The following TBCA variants were observed in gnomAD, a reference collection of about 807,000 sequenced individuals.
TBCA encodes the protein tubulin folding cofactor A, also known as tubulin-specific chaperone A.
Under a neutral mutation model 15.8 loss-of-function variants are expected in TBCA, and 6 were observed. The ratio of observed to expected loss-of-function variants is 0.38; its 90% confidence interval spans 0.21 to 0.75. The LOEUF (loss-of-function observed/expected upper bound fraction) is 0.75. TBCA is among the 30% of genes least tolerant of loss of function. TBCA has a pLI of 0.46. For missense variants in TBCA, 90 were observed against 131.2 expected (o/e 0.69, Z 1.53); for synonymous variants, 32 against 42.3 (o/e 0.76, Z 0.94).
intron 1 of TBCA, among the ~76,000 whole-genome samples, chr5:77,751,050 C>T (rs866943473): frequency 1.4e-4 from 21 of 152,100 alleles, no homozygotes; most frequent in Middle Eastern, 6.8e-3. Flanking sequence ...AGAAAATAGA[C>T]TGTAATTGTT....
chr5:77,710,809 G>C (rs533922992), intron 1 of TBCA, among the ~76,000 whole-genome samples: 2 of 152,066 alleles, frequency 1.3e-5, no homozygotes, highest in Non-Finnish European at 2.9e-5. Flanking sequence ...TATTATCAAC[G>C]CAACAGTATT....
intron 1 of TBCA, among the ~76,000 whole-genome samples, chr5:77,733,570 T>A (rs538949906): frequency 2.1e-4 from 32 of 152,194 alleles, no homozygotes; most frequent in Admixed American, 8.5e-4. Context: ...TTAACTCACA[T>A]CAATTCTATG....
At chr5:77,776,075 G>T in intron 1 of TBCA, 130 bp downstream of exon 1, 1 of 1,172,814 alleles carries the variant, frequency 8.5e-7, no homozygotes, top group Non-Finnish European at 1.2e-6. Context: ...CCAGCCAACT[G>T]CGGAGCCCCG....
intron 2 of TBCA, among the ~76,000 whole-genome samples, chr5:77,698,937 T>C (rs1183378329): frequency 7.2e-6 from 1 of 138,280 alleles, no homozygotes; most frequent in Non-Finnish European, 1.5e-5. Flanking sequence ...GGTTACAAGA[T>C]CAACATAAAA....
chr5:77,726,887 T>A (rs1287027449), intron 1 of TBCA, among the ~76,000 whole-genome samples: 1 of 152,154 alleles, frequency 6.6e-6, no homozygotes, highest in Middle Eastern at 3.2e-3. Context: ...TTCTAAAGAT[T>A]CAAGATGTAA....
At chr5:77,767,301 A>C (rs1361117763) in intron 1 of TBCA, among the ~76,000 whole-genome samples, 1 of 152,216 alleles carries the variant, frequency 6.6e-6, no homozygotes, top group Non-Finnish European at 1.5e-5. Context: ...ACACAAGCAC[A>C]CACACACACA....
chr5:77,770,489 T>C (rs1580141632), intron 1 of TBCA, among the ~76,000 whole-genome samples: 1 of 152,136 alleles, frequency 6.6e-6, no homozygotes, highest in African/African-American at 2.4e-5. Context: ...CTTTCCCAGT[T>C]TTAGCAGTGA....
At chr5:77,755,309 T>TG (rs1181628566) in intron 1 of TBCA, among the ~76,000 whole-genome samples, 2 of 152,216 alleles carry the variant, frequency 1.3e-5, no homozygotes, top group Non-Finnish European at 2.9e-5. Flanking sequence ...CCAGGCACGG[T>TG]GGCTCACACC....
chr5:77,746,597 C>A (rs886563119), intron 1 of TBCA, among the ~76,000 whole-genome samples: 1 of 152,180 alleles, frequency 6.6e-6, no homozygotes, highest in Non-Finnish European at 1.5e-5. Context: ...GACTTAATAA[C>A]ACAAACTGTA....
At chr5:77,705,191 TAGAA>T (rs965507126) in intron 2 of TBCA, among the ~76,000 whole-genome samples, 1 of 152,218 alleles carries the variant, frequency 6.6e-6, no homozygotes, top group African/African-American at 2.4e-5. Context: ...AAATTTTATT[TAGAA>T]AGGGAACACA....
intron 1 of TBCA, among the ~76,000 whole-genome samples, chr5:77,751,826 A>T (rs563749619): frequency 6.6e-6 from 1 of 152,286 alleles, no homozygotes; most frequent in East Asian, 1.9e-4. Context: ...GTTTCTATGA[A>T]TAATTTGGTG....
At chr5:77,716,697 C>T (rs906563234) in intron 1 of TBCA, among the ~76,000 whole-genome samples, 3 of 152,178 alleles carry the variant, frequency 2.0e-5, no homozygotes, top group African/African-American at 4.8e-5. Context: ...ACTCCATATC[C>T]TTAGCTACTA....
chr5:77,723,020 T>C (rs1455987463), intron 1 of TBCA, among the ~76,000 whole-genome samples: 2 of 151,828 alleles, frequency 1.3e-5, no homozygotes, highest in East Asian at 1.9e-4. Context: ...TTTAAAAGAA[T>C]TCTAATTTGC....
At chr5:77,743,053 G>C (rs145703642) in intron 1 of TBCA, among the ~76,000 whole-genome samples, 246 of 152,250 alleles carry the variant, frequency 1.6e-3, no homozygotes, top group African/African-American at 5.8e-3. Flanking sequence ...TGCTAAGCAA[G>C]AGCCAGAAAA....
chr5:77,694,288 T>A (rs1030787491), intron 2 of TBCA: 1 of 152,228 alleles, frequency 6.6e-6, no homozygotes, highest in African/African-American at 2.4e-5. Flanking sequence ...ATTCTCCCCA[T>A]GCAATGTGAG....
intron 1 of TBCA, among the ~76,000 whole-genome samples, chr5:77,723,474 A>G (rs2112458763): frequency 6.6e-6 from 1 of 152,072 alleles, no homozygotes; most frequent in Non-Finnish European, 1.5e-5. Flanking sequence ...CATGTGGGGG[A>G]TGGGTAGCAT....
In TBCA at chr5:77,776,326, C is replaced by T. The variant is rs974730244; in HGVS notation, c.-69G>A. Reference sequence around the variant, plus strand: ...AACCGTGGAGGGCGACGCGCAGAGGCTGCGGCTATTTAGGCGTGGTCGCCG... The same window carrying T: ...AACCGTGGAGGGCGACGCGCAGAGGTTGCGGCTATTTAGGCGTGGTCGCCG... On this transcript the variant is annotated 5_prime_UTR_variant, in exon 1 of 4. Coordinates refer to ENST00000380377, the MANE Select transcript of TBCA (RefSeq NM_004607.3). The T allele has an allele frequency of 4.5e-6, 7 of 1,538,858 alleles. No homozygotes were observed. Among genetic ancestry groups the T allele is most frequent in the East Asian group, 2.4e-5 (1 of 40,852 alleles).
chr5:77,705,952 G>A (rs1746140804), intron 2 of TBCA, among the ~76,000 whole-genome samples: 1 of 152,072 alleles, frequency 6.6e-6, no homozygotes, highest in Non-Finnish European at 1.5e-5. Context: ...ACACAGTGCT[G>A]TATCACAAAT....
chr5:77,729,750 G>C (rs909572828), intron 1 of TBCA, among the ~76,000 whole-genome samples: 1 of 152,146 alleles, frequency 6.6e-6, no homozygotes, highest in Non-Finnish European at 1.5e-5. Context: ...AAACATTTAC[G>C]CTGTGATTTT....
Sources: gnomAD v4.1 joint callset for allele counts (sites outside exome capture counted in the v4.1 genomes callset) on GRCh38, gnomAD v4.1.1 for gene constraint, MANE v1.5 for transcripts, NCBI Gene and HGNC (gene_info 2026-07-23, HGNC 2026-07-21) for gene names.